The following ALDOB variants were observed in gnomAD, a reference collection of about 807,000 sequenced individuals.
The protein encoded by ALDOB is fructose-bisphosphate aldolase B.
Under a neutral mutation model 41.0 loss-of-function variants are expected in ALDOB, and 39 were observed. The ratio of observed to expected loss-of-function variants is 0.95; its 90% CI spans 0.74 to 1.24. The LOEUF is 1.24. Among genes scored for constraint, ALDOB ranks in the 50% most tolerant of loss-of-function variants. The pLI is 0.00. For missense variants in ALDOB, 530 were observed against 457.3 expected, an observed-to-expected ratio of 1.16 and a Z score of -1.45; for synonymous variants, 175 against 168.8, an observed-to-expected ratio of 1.04 and a Z score of -0.28.
chr9:101,432,881 G>A (rs570304696), intron 1 of ALDOB, among the ~76,000 whole-genome samples: 13 of 152,278 alleles, frequency 8.5e-5, no homozygotes, highest in South Asian at 2.1e-4. Context: ...AGTACCTTAC[G>A]CTGTGGGTGA....
At chr9:101,427,428 C>T in intron 5 of ALDOB, 54 bp downstream of exon 5, 1 of 1,602,290 alleles carries the variant, frequency 6.2e-7, no homozygotes, top group Non-Finnish European at 8.5e-7. Flanking sequence ...AAAAGAAAAG[C>T]TCTGAAGAAA....
chr9:101,425,485 G>A lies in ALDOB; in HGVS notation c.767C>T (p.Ala256Val). ...PEQVAMATVT[A>V]LHRTVPAAVP... Reference sequence around the variant, plus strand: ...AGCTGCAGGAACAGTACGGTGGAGAGCTGTTACGGTGGCCATAGCTACTTG... The same window carrying A: ...AGCTGCAGGAACAGTACGGTGGAGAACTGTTACGGTGGCCATAGCTACTTG... Residue 256 changes from alanine to valine, a missense_variant, in exon 7 of 9, where the codon GCT becomes GTT. By Grantham distance (64) the Ala-to-Val change is moderately conservative. Coordinates refer to ENST00000647789, the MANE Select transcript of ALDOB (RefSeq NM_000035.4). The A allele has an allele frequency of 6.2e-7, 1 of 1,614,198 alleles. No individual in the cohort carries two copies. The highest frequency in any genetic ancestry group is 1.1e-5 in the South Asian group (1 of 91,088).
Position 101,421,801 on chromosome 9 carries a change from A to T in ALDOB, c.*8T>A. ...AAGCACTGGAGCTAGGCTGGCGGGC[A>T]TTGGACCCTAGTAGGTATAGCAGGC... On this transcript the variant is annotated 3_prime_UTR_variant, in exon 9 of 9. Transcript: ENST00000647789. 6.2e-7 allele frequency: 1 copy of T among 1,613,184 alleles called. No individual in the cohort carries two copies. The highest frequency in any genetic ancestry group is 8.5e-7 in the Non-Finnish European group (1 of 1,179,394).
chr9:101,422,044 G>T, intron 8 of ALDOB, 140 bp from the exon 9 acceptor site: 1 of 734,856 alleles, frequency 1.4e-6, no homozygotes, highest in Non-Finnish European at 2.4e-6. Context: ...ATATTGCTGG[G>T]GATACCATCC....
intron 1 of ALDOB, among the ~76,000 whole-genome samples, chr9:101,434,560 T>C (rs1189261771): frequency 6.6e-6 from 1 of 152,240 alleles, no homozygotes; most frequent in Non-Finnish European, 1.5e-5. Flanking sequence ...CCATGATTTC[T>C]AGGCACTGCA....
Position 101,424,832 on chromosome 9 carries a change from C to A in ALDOB, c.999+11G>T. On this transcript the variant is annotated intron_variant, in intron 8 of 8. Transcript: ENST00000647789. ...ACATCATCAAGTAGATAAGAGGTGG[C>A]AGCATCTTACCATGGCCCGCTTCAT... 2 of 1,612,396 alleles carry A rather than the reference C, an allele frequency of 1.2e-6. No homozygotes were observed. The highest frequency in any genetic ancestry group is 1.7e-6 in the Non-Finnish European group (2 of 1,179,930).
chr9:101,425,121 A>G, intron 7 of ALDOB, 79 bp from the exon 8 acceptor site: 1 of 1,475,862 alleles, frequency 6.8e-7, no homozygotes. Flanking sequence ...TGAACCTACC[A>G]GAAAAGTAAT....
intron 1 of ALDOB, among the ~76,000 whole-genome samples, chr9:101,435,148 G>T (rs1262412674): frequency 1.3e-5 from 2 of 152,164 alleles, no homozygotes; most frequent in Non-Finnish European, 2.9e-5. Context: ...TATGCTCTGT[G>T]AAGTTTCCAA....
In ALDOB at chr9:101,421,462, A is replaced by G; in HGVS notation, c.*347T>C. ...CTGCTAAGACTGTTTCATAAGATGC[A>G]CTTCTCTACACTCAGCTAATGAGGT... On this transcript the variant is annotated 3_prime_UTR_variant, in exon 9 of 9. Coordinates refer to ENST00000647789, the MANE Select transcript of ALDOB (RefSeq NM_000035.4). The G allele has an allele frequency of 2.7e-6, 1 of 367,570 alleles. No homozygotes were observed. Among genetic ancestry groups the G allele is most frequent in the South Asian group, 2.3e-5 (1 of 44,344 alleles). The allele number at this position is 367,570 out of a possible 1,614,324, so 22.8% of individuals were successfully genotyped here. A position where few individuals can be genotyped will look rare whatever the true frequency, so the allele number is the denominator to read the frequency against.
intron 3 of ALDOB, among the ~76,000 whole-genome samples, chr9:101,429,479 A>C (rs983002894): frequency 2.0e-5 from 3 of 152,166 alleles, no homozygotes; most frequent in Non-Finnish European, 4.4e-5. Context: ...TAGTCATTTC[A>C]TCCCTGTAAG....
intron 2 of ALDOB, 133 bp downstream of exon 2, chr9:101,430,643 T>C (rs1831203023): frequency 2.7e-6 from 2 of 734,922 alleles, no homozygotes; most frequent in African/African-American, 1.7e-5. Context: ...GCTCTACGCT[T>C]ACTGAGTCTT....
intron 3 of ALDOB, among the ~76,000 whole-genome samples, 165 bp downstream of exon 3, chr9:101,429,590 A>G (rs1287061143): frequency 6.6e-6 from 1 of 152,186 alleles, no homozygotes; most frequent in East Asian, 1.9e-4. Flanking sequence ...CACTGGAGGA[A>G]AACTCTAGAA....
chr9:101,424,699 C>T (rs1831096495), intron 8 of ALDOB, 144 bp downstream of exon 8: 4 of 934,650 alleles, frequency 4.3e-6, no homozygotes, highest in South Asian at 1.4e-5. Flanking sequence ...CTCATACTGA[C>T]CTCTACTGCC....
chr9:101,420,911 A>G lies in ALDOB; in HGVS notation c.*898T>C, dbSNP rs886063287. ...CTGCAAAACTACGAAATATGCCTGGACGTGCAGATGACAAGGTAGTCCTGT... is the reference window on the plus strand; with the variant it reads ...CTGCAAAACTACGAAATATGCCTGGGCGTGCAGATGACAAGGTAGTCCTGT... On this transcript the variant is annotated 3_prime_UTR_variant, in exon 9 of 9. Transcript: ENST00000647789. 1.2e-4 allele frequency: 18 copies of G among 152,228 alleles called. No individual in the cohort carries two copies. The highest frequency in any genetic ancestry group is 3.9e-4 in the African/African-American group (16 of 41,462). The allele number at this position is 152,228 out of a possible 1,614,324, so 9.4% of individuals were successfully genotyped here.
intron 6 of ALDOB, among the ~76,000 whole-genome samples, chr9:101,426,028 T>C (rs1167434111): frequency 6.6e-6 from 1 of 152,122 alleles, no homozygotes; most frequent in African/African-American, 2.4e-5. Flanking sequence ...AGTCATAGAA[T>C]CATACATTTT....
Position 101,424,831 on chromosome 9 carries a change from G to T in ALDOB, c.999+12C>A, listed in dbSNP as rs1831099201. 8.1e-6 allele frequency: 13 copies of T among 1,612,188 alleles called. No homozygotes were observed. The highest frequency in any genetic ancestry group is 1.1e-5 in the Non-Finnish European group (13 of 1,179,890). On this transcript the variant is annotated intron_variant, in intron 8 of 8. Transcript: ENST00000647789. ...AACATCATCAAGTAGATAAGAGGTG[G>T]CAGCATCTTACCATGGCCCGCTTCA...
chr9:101,425,877 G>A (rs1453319036), intron 6 of ALDOB, among the ~76,000 whole-genome samples: 1 of 152,156 alleles, frequency 6.6e-6, no homozygotes, highest in African/African-American at 2.4e-5. Flanking sequence ...TGACAGGCAT[G>A]GCTCTGCTTC....
intron 3 of ALDOB, 129 bp downstream of exon 3, chr9:101,429,626 T>C: frequency 2.2e-6 from 2 of 912,564 alleles, no homozygotes; most frequent in African/African-American, 1.6e-5. Context: ...TGTGGGAAGA[T>C]GACGATGGAA....
At chr9:101,433,186 A>C (rs1588173507) in intron 1 of ALDOB, among the ~76,000 whole-genome samples, 1 of 152,372 alleles carries the variant, frequency 6.6e-6, no homozygotes, top group East Asian at 1.9e-4. Context: ...TTCTTTACAA[A>C]GCACTATAAA....
Sources: allele counts gnomAD v4.1 joint callset (sites outside exome capture counted in the v4.1 genomes callset), GRCh38; gene constraint gnomAD v4.1.1; transcripts MANE v1.5; gene names NCBI Gene and HGNC (gene_info 2026-07-23, HGNC 2026-07-21).